The following AFF2 variants were observed in gnomAD, a reference collection of about 807,000 sequenced individuals.
AFF2 encodes ALF transcription elongation factor 2.
A neutral mutation model predicts 76.9 loss-of-function variants in AFF2; 14 were observed. The observed-to-expected ratio is 0.18, with a 90% CI of 0.12 to 0.28. The LOEUF (loss-of-function observed/expected upper bound fraction) is 0.28. Among genes scored for constraint, AFF2 ranks in the 10% least tolerant of loss-of-function variants. AFF2 has a pLI of 1.00. For synonymous variants in AFF2, 398 were observed against 366.7 expected (o/e 1.09, Z -0.98); for missense variants, 868 against 1,001.1 (o/e 0.87, Z 1.79).
In AFF2 at chrX:148,709,805, C is replaced by T. The variant is rs1557262737; in HGVS notation, c.1041+47037C>T. On this transcript the variant is annotated intron_variant, in intron 3 of 20. Coordinates refer to ENST00000370460, the MANE Select transcript of AFF2 (RefSeq NM_002025.4). ...AAGTCAGGAAGGCATTATTACTTAT[C>T]TCGCTTCAATTGTCTGTCCTGTAAA... Among the ~76,000 whole-genome samples the T allele has an allele frequency of 2.7e-5, 3 of 111,948 alleles. No individual in the cohort carries two copies. In the South Asian group the frequency reaches 1.1e-3, roughly 42 times the overall value.
At chrX:148,944,738 A>C (rs2071879904) in intron 9 of AFF2, among the ~76,000 whole-genome samples, 2 of 110,566 alleles carry the variant, frequency 1.8e-5, no homozygotes, top group Non-Finnish European at 1.9e-5. Flanking sequence ...CTTACTGGGA[A>C]CATGCTGACA....
intron 1 of AFF2, among the ~76,000 whole-genome samples, chrX:148,580,291 T>TTCC (rs782623575): frequency 1.8e-5 from 2 of 111,620 alleles, no homozygotes; most frequent in African/African-American, 6.5e-5. Context: ...ACTCAGCTTC[T>TTCC]AGGAGGCTCT....
At chrX:148,732,799 A>G (rs940552307) in intron 3 of AFF2, among the ~76,000 whole-genome samples, 1 of 110,290 alleles carries the variant, frequency 9.1e-6, no homozygotes. Flanking sequence ...CTTATTTGGA[A>G]GTTTCTTTTT....
At chrX:148,899,161 T>A (rs1016044931) in intron 8 of AFF2, among the ~76,000 whole-genome samples, 2 of 112,283 alleles carry the variant, frequency 1.8e-5, no homozygotes, top group South Asian at 3.7e-4. Flanking sequence ...TCTGCCACCC[T>A]TGGCTGTGTG....
rs782796035 is a variant in AFF2 at position 148,768,484 on chromosome X, C to G, written c.1042-41392C>G. ...CTGTTAACTACTCCTGCTGTTCTTG[C>G]TGACAATTTTATGGAGGATCTTTAA... is the stretch of plus-strand genomic sequence containing the variant. On this transcript the variant is annotated intron_variant, in intron 3 of 20. Coordinates refer to ENST00000370460, the MANE Select transcript of AFF2 (RefSeq NM_002025.4). Among the ~76,000 whole-genome samples the G allele has an allele frequency of 1.4e-4, 16 of 110,868 alleles. No homozygotes were observed. The East Asian group carries it at 3.2e-3, about 22-fold the overall frequency.
chrX:148,572,861 A>G (rs1269349889), intron 1 of AFF2, among the ~76,000 whole-genome samples: 1 of 111,053 alleles, frequency 9.0e-6, no homozygotes, highest in African/African-American at 3.3e-5. Flanking sequence ...TGAATATGAA[A>G]GGACTACAGA....
chrX:148,519,501 A>G (rs367951941), intron 1 of AFF2, among the ~76,000 whole-genome samples: 1 of 112,335 alleles, frequency 8.9e-6, no homozygotes, highest in Non-Finnish European at 1.9e-5. Flanking sequence ...GGAAGAAACT[A>G]CAAATGAAAA....
intron 3 of AFF2, among the ~76,000 whole-genome samples, chrX:148,797,043 G>A (rs782300988): frequency 8.7e-4 from 98 of 112,373 alleles, no homozygotes; most frequent in Non-Finnish European, 1.6e-3. Flanking sequence ...GTTGCCTGTC[G>A]TCTGTTTTCG....
Position 148,953,631 on chromosome X carries a change from T to G in AFF2, c.1449T>G (p.Gly483=). The G allele has an allele frequency of 8.3e-7, 1 of 1,211,047 alleles. No individual in the cohort carries two copies. The highest frequency in any genetic ancestry group is 1.1e-6 in the Non-Finnish European group (1 of 895,225). ...CACCTGCAGTGCAAGCCAGCGGGGG[T>G]TCTGGCAGCTCCAGCGAATCGGAGA... ...QPPPAVQASG[G]SGSSSESESS... is the part of the protein sequence containing the mutation. Residue 483 remains glycine (G), a synonymous_variant, in exon 10 of 21, where the codon GGT becomes GGG. Transcript: ENST00000370460.
intron 1 of AFF2, among the ~76,000 whole-genome samples, chrX:148,648,561 CAAAAAAAA>C (rs1241628949): frequency 1.7e-4 from 4 of 23,057 alleles, no homozygotes; most frequent in Admixed American, 1.2e-3. Flanking sequence ...AAAACTCCGT[CAAAAAAAA>C]AAAAAAAAAA....
At chrX:148,637,884 A>G (rs1569552435) in intron 1 of AFF2, among the ~76,000 whole-genome samples, 1 of 110,841 alleles carries the variant, frequency 9.0e-6, no homozygotes, top group Non-Finnish European at 1.9e-5. Flanking sequence ...GCTCCTTTGG[A>G]TAACTGGGGT....
At chrX:148,927,491 C>A (rs1374972339) in intron 9 of AFF2, among the ~76,000 whole-genome samples, 1 of 108,086 alleles carries the variant, frequency 9.3e-6, no homozygotes, top group Admixed American at 1.0e-4. Flanking sequence ...CCTTTTTTTT[C>A]TGTCGTACAT....
chrX:148,853,741 G>A (rs73607992), intron 7 of AFF2, among the ~76,000 whole-genome samples: 6,269 of 111,555 alleles, frequency 0.056, 401 homozygotes, highest in African/African-American at 0.18. Flanking sequence ...AAGATCAACT[G>A]CCAATGCTGT....
rs1316670852 is a variant in AFF2, at chrX:148,619,917, G to T, written c.48-32082G>T. Among the ~76,000 whole-genome samples the T allele has an allele frequency of 8.0e-5, 9 of 112,002 alleles. No individual in the cohort carries two copies. In the Admixed American group the frequency reaches 8.5e-4, roughly 11 times the overall value. On this transcript the variant is annotated intron_variant, in intron 1 of 20. Transcript: ENST00000370460. ...CAATTTTACCAAGAAATACATAATT[G>T]AGATTATTGTCCTGACAAAGCATTT...
intron 1 of AFF2, among the ~76,000 whole-genome samples, chrX:148,536,856 A>G (rs781936367): frequency 9.0e-6 from 1 of 111,696 alleles, no homozygotes; most frequent in African/African-American, 3.3e-5. Flanking sequence ...ATAAGCCAAT[A>G]GGTTTTTTTT....
At chrX:148,505,343 A>G (rs1171582928) in intron 1 of AFF2, among the ~76,000 whole-genome samples, 1 of 111,929 alleles carries the variant, frequency 8.9e-6, no homozygotes, top group South Asian at 3.7e-4. Context: ...CTCATGGTAG[A>G]AATCAGTTTA....
At chrX:148,567,830 G>A (rs781889180) in intron 1 of AFF2, among the ~76,000 whole-genome samples, 8 of 112,106 alleles carry the variant, frequency 7.1e-5, no homozygotes, top group Non-Finnish European at 1.1e-4. Flanking sequence ...GCTAGAAAAA[G>A]CTTTAGGAGA....
At chrX:148,831,885 G>A (rs1172987211) in intron 4 of AFF2, among the ~76,000 whole-genome samples, 1 of 111,743 alleles carries the variant, frequency 8.9e-6, no homozygotes, top group Non-Finnish European at 1.9e-5. Flanking sequence ...GGTTTTTCTG[G>A]TAAGTCATTA....
rs1370213226 is a variant in AFF2 at position 148,859,708 on chromosome X, A to C, written c.1262+16275A>C. Among the ~76,000 whole-genome samples, 6 of 111,964 alleles carry C rather than the reference A, an allele frequency of 5.4e-5. No individual in the cohort carries two copies. In the Admixed American group the frequency reaches 5.7e-4, roughly 11 times the overall value. ...AAAAATTATTAAAATGTATAATTAA[A>C]AATTAAAATATTTAATTAAAAATTA... is the stretch of plus-strand genomic sequence containing the variant. On this transcript the variant is annotated intron_variant, in intron 7 of 20. Transcript: ENST00000370460.
Sources: allele counts gnomAD v4.1 joint callset (sites outside exome capture counted in the v4.1 genomes callset), GRCh38; gene constraint gnomAD v4.1.1; transcripts MANE v1.5; gene names NCBI Gene and HGNC (gene_info 2026-07-23, HGNC 2026-07-21).